Variants in HAUS6 observed in about 807,000 individuals in gnomAD.
HAUS6 encodes HAUS augmin-like complex subunit 6.
HAUS6 carries 80 observed loss-of-function variants against 106.8 expected under a neutral mutation model. That is an observed-to-expected ratio of 0.75 (90% CI 0.63 to 0.90). HAUS6 has a LOEUF of 0.90. Ranked by LOEUF, HAUS6 falls within the 40% of genes least tolerant of loss-of-function variation. HAUS6 has a pLI of 0.00. For missense variants in HAUS6, 1,155 were observed against 1,118.1 expected (o/e 1.03, Z -0.47); for synonymous variants, 356 against 379.1 (o/e 0.94, Z 0.71).
At chr9:19,077,518 G>C (rs971264408) in intron 10 of HAUS6, among the ~76,000 whole-genome samples, 45 of 152,092 alleles carry the variant, frequency 3.0e-4, no homozygotes, top group African/African-American at 7.2e-4. Flanking sequence ...CTGGGCAATA[G>C]AGCAAGACTC....
At chr9:19,074,712 T>A (rs1836956361) in intron 11 of HAUS6, among the ~76,000 whole-genome samples, 1 of 152,216 alleles carries the variant, frequency 6.6e-6, no homozygotes, top group Non-Finnish European at 1.5e-5. Context: ...GATTAAGTCC[T>A]GTGCTAACTG....
At chr9:19,087,189 T>C (rs1392126421) in intron 5 of HAUS6, 33 bp from the exon 6 acceptor site, 3 of 1,164,394 alleles carry the variant, frequency 2.6e-6, no homozygotes, top group Middle Eastern at 1.9e-4. Flanking sequence ...ACAACTATAA[T>C]ACCATTACGA....
rs1029734148 is a variant in HAUS6, at chr9:19,070,085, T to A, written c.1376+134A>T. 9.6e-6 allele frequency: 6 copies of A among 622,046 alleles called. No individual in the cohort carries two copies. The African/African-American group carries it at 1.1e-4, about 12-fold the overall frequency. The allele number at this position is 622,046 out of a possible 1,614,324, so 38.5% of individuals were successfully genotyped here. A position where few individuals can be genotyped will look rare whatever the true frequency, so the allele number is the denominator to read the frequency against. On this transcript the variant is annotated intron_variant, in intron 12 of 16. Coordinates refer to ENST00000380502, the MANE Select transcript of HAUS6 (RefSeq NM_017645.5). ...GATTGGTGCGTTTTTACAATCCTCT[T>A]GTAATACAGAAAAGTTCTCCAACTC...
chr9:19,066,007 C>A (rs1335706772), intron 12 of HAUS6, among the ~76,000 whole-genome samples: 1 of 149,288 alleles, frequency 6.7e-6, no homozygotes, highest in African/African-American at 2.5e-5. Flanking sequence ...GGGATCCTGG[C>A]TCACTGCAAC....
chr9:19,055,031 G>C lies in HAUS6; in HGVS notation c.*1312C>G, dbSNP rs575176681. 1.3e-5 allele frequency: 2 copies of C among 152,346 alleles called. No individual in the cohort carries two copies. Among genetic ancestry groups the C allele is most frequent in the Admixed American group, 6.5e-5 (1 of 15,302 alleles). The allele number at this position is 152,346 out of a possible 1,614,324, so 9.4% of individuals were successfully genotyped here. A position where few individuals can be genotyped will look rare whatever the true frequency, so the allele number is the denominator to read the frequency against. On this transcript the variant is annotated 3_prime_UTR_variant, in exon 17 of 17. Transcript: ENST00000380502. ...TTTCTTTCTCCTTTTCCATTGCAAA[G>C]AAGGTAGTTACATGTGCTTTCTTTT...
chr9:19,095,426 T>C (rs1049148281), intron 2 of HAUS6, among the ~76,000 whole-genome samples: 8 of 151,818 alleles, frequency 5.3e-5, no homozygotes, highest in African/African-American at 1.9e-4. Flanking sequence ...ACTCCATGGT[T>C]GACGGGTTTC....
rs757819736 is a variant in HAUS6, at chr9:19,087,682, T to A, written c.585-526A>T. Among the ~76,000 whole-genome samples the A allele has an allele frequency of 5.7e-4, 86 of 151,740 alleles. 1 individual carries two copies. Among genetic ancestry groups the A allele is most frequent in the Admixed American group, 1.6e-3 (25 of 15,200 alleles). ...CCAGCCTGGCTACAAAGCAAGACCC[T>A]GTCTCTACAAAAAAATTTAAAAATT... is the stretch of plus-strand genomic sequence containing the variant. On this transcript the variant is annotated intron_variant, in intron 5 of 16. Coordinates refer to ENST00000380502, the MANE Select transcript of HAUS6 (RefSeq NM_017645.5).
Position 19,089,496 on chromosome 9 carries a change from G to A in HAUS6, c.500C>T (p.Ala167Val), listed in dbSNP as rs765085156. The stretch of plus-strand genomic sequence containing the variant: ...TCTGCTACGTGCGAAATGGCATCTG[G>A]CAATGCATTTGTGCAAGTCCTGTGG... ...IKPQDLHKCI[A>V]RCHFARSRFL... The change falls in exon 5 of 17, where the codon GCC (alanine) becomes GTC (valine). Residue 167 changes from alanine to valine, a missense_variant. Transcript: ENST00000380502. The A allele has an allele frequency of 6.2e-6, 10 of 1,607,404 alleles. No homozygotes were observed. The South Asian group carries it at 1.1e-4, about 18-fold the overall frequency.
chr9:19,102,756 C>T lies in HAUS6; in HGVS notation c.-105G>A. 8.1e-6 allele frequency: 9 copies of T among 1,106,890 alleles called. No individual in the cohort carries two copies. Among genetic ancestry groups the T allele is most frequent in the Non-Finnish European group, 1.2e-5 (9 of 780,860 alleles). 68.6% of individuals were successfully genotyped at this position (1,106,890 alleles called of 1,614,324 possible). A position where few individuals can be genotyped will look rare whatever the true frequency, so the allele number is the denominator to read the frequency against. On this transcript the variant is annotated 5_prime_UTR_variant, in exon 1 of 17. Transcript: ENST00000380502. ...CGGTCAGCCTGAGGTCGCGGTGGTC[C>T]TTCCATTGCCAACGCCTGCTCCTTT...
intron 8 of HAUS6, among the ~76,000 whole-genome samples, chr9:19,080,991 G>C (rs1018493505): frequency 6.6e-6 from 1 of 152,008 alleles, no homozygotes; most frequent in African/African-American, 2.4e-5. Flanking sequence ...AGAATCGCTT[G>C]AACCCAAGAG....
At position 19,058,768 on chromosome 9, in the gene HAUS6, G is replaced by C. The variant is rs750439820; in HGVS notation, c.1999C>G (p.Gln667Glu). Residue 667 changes from glutamine (Q) to glutamate (E), a missense_variant, in exon 16 of 17, where the codon CAG becomes GAG. This residue lies in a region of HAUS6 where 380 missense variants were observed against 394.8 expected (regional missense o/e 0.96). Coordinates refer to ENST00000380502, the MANE Select transcript of HAUS6 (RefSeq NM_017645.5). ...ATGTGACTGGTCAGCACATGTTTCT[G>C]AGGCACACACTCGCAATCTGAAATA... ...KVISDCECVP[Q>E]KHVLTSHIDE... 6.8e-6 allele frequency: 11 copies of C among 1,614,052 alleles called. No individual in the cohort carries two copies. In the East Asian group the frequency reaches 2.2e-4, roughly 33 times the overall value.
intron 5 of HAUS6, among the ~76,000 whole-genome samples, chr9:19,087,977 A>G (rs546623495): frequency 6.6e-6 from 1 of 152,314 alleles, no homozygotes; most frequent in South Asian, 2.1e-4. Context: ...TGACACATAG[A>G]AGAAACTCCA....
Position 19,078,184 on chromosome 9 carries a change from A to G in HAUS6, c.1183T>C (p.Trp395Arg), listed in dbSNP as rs138517405. The change falls in exon 10 of 17, where the codon TGG becomes CGG. Residue 395 changes from tryptophan (W) to arginine (R), a missense_variant. Physicochemically the swap from Trp to Arg is moderately radical, Grantham distance 101. This residue lies in a region of HAUS6 where 761 missense variants were observed against 690.0 expected (regional missense o/e 1.10). Coordinates refer to ENST00000380502, the MANE Select transcript of HAUS6 (RefSeq NM_017645.5). The part of the protein sequence containing the change: ...GLSPFSLIKG[W>R]TPSVDLLPPM... ...AAGTCAACATTACTTACTGGAGTCC[A>G]ACCTTTAATTAGACTGAAAGGAGAC... is the stretch of plus-strand genomic sequence containing the variant. The G allele has an allele frequency of 1.2e-6, 2 of 1,607,480 alleles. No individual in the cohort carries two copies. The highest frequency in any genetic ancestry group is 3.4e-5 in the Admixed American group (2 of 59,666).
At chr9:19,097,701 CTTTA>C (rs1817893494) in intron 1 of HAUS6, among the ~76,000 whole-genome samples, 1 of 151,560 alleles carries the variant, frequency 6.6e-6, no homozygotes, top group African/African-American at 2.4e-5. Flanking sequence ...CCAGAACCAT[CTTTA>C]TAACATAATG....
In HAUS6 at chr9:19,054,864, A is replaced by T. The variant is rs1333077647; in HGVS notation, c.*1479T>A. 1 of 152,228 alleles carries T rather than the reference A, an allele frequency of 6.6e-6. No individual in the cohort carries two copies. The highest frequency in any genetic ancestry group is 1.5e-5 in the Non-Finnish European group (1 of 68,050). The allele number at this position is 152,228 out of a possible 1,614,324, so 9.4% of individuals were successfully genotyped here. A position where few individuals can be genotyped will look rare whatever the true frequency, so the allele number is the denominator to read the frequency against. ...GGCTTTGGCACTTCTGCAGATGCTG[A>T]TAAGACAGTATCACATGCTAAGTTA... On this transcript the variant is annotated 3_prime_UTR_variant, in exon 17 of 17. Coordinates refer to ENST00000380502, the MANE Select transcript of HAUS6 (RefSeq NM_017645.5).
At chr9:19,075,382 T>G (rs960642682) in intron 11 of HAUS6, among the ~76,000 whole-genome samples, 3 of 152,238 alleles carry the variant, frequency 2.0e-5, no homozygotes, top group African/African-American at 7.2e-5. Context: ...GAATTGTATA[T>G]GTGAATTATA....
chr9:19,066,382 AAAAT>A (rs1186423057), intron 12 of HAUS6, among the ~76,000 whole-genome samples: 4 of 152,198 alleles, frequency 2.6e-5, no homozygotes, highest in Admixed American at 1.3e-4. Flanking sequence ...AATTAGGAGA[AAAAT>A]AAAAATAGAA....
rs1818008962 is a variant in HAUS6, at chr9:19,102,406, G to A, written c.128+118C>T. The A allele has an allele frequency of 5.3e-6, 6 of 1,125,608 alleles. No individual in the cohort carries two copies. The South Asian group carries it at 8.8e-5, about 17-fold the overall frequency. The allele number at this position is 1,125,608 out of a possible 1,614,324, so 69.7% of individuals were successfully genotyped here. A position where few individuals can be genotyped will look rare whatever the true frequency, so the allele number is the denominator to read the frequency against. ...GTAGGAACTTTGGAGCCAATGCCTG[G>A]CACAGAGTAACTGCTCAACCAATTC... On this transcript the variant is annotated intron_variant, in intron 1 of 16. Transcript: ENST00000380502.
At chr9:19,087,846 CAAAAAAAAAA>C (rs71333081) in intron 5 of HAUS6, among the ~76,000 whole-genome samples, 1 of 78,740 alleles carries the variant, frequency 1.3e-5, no homozygotes, top group Admixed American at 1.8e-4. Context: ...GACCTTGTCT[CAAAAAAAAAA>C]AAAAAAAAAA....
Sources: allele counts gnomAD v4.1 joint callset (sites outside exome capture counted in the v4.1 genomes callset), GRCh38; gene constraint gnomAD v4.1.1; regional missense constraint gnomAD v4.1.1; transcripts MANE v1.5; gene names NCBI Gene and HGNC (gene_info 2026-07-23, HGNC 2026-07-21).